The following MCC variants were observed in gnomAD, a reference collection of about 807,000 sequenced individuals.
The protein encoded by MCC is MCC regulator of Wnt signaling pathway, also known as colorectal mutant cancer protein.
MCC carries 90 observed loss-of-function variants against 116.2 expected under a neutral mutation model. That is an observed-to-expected ratio of 0.77 (90% CI 0.65 to 0.92). The LOEUF is 0.92. Among genes scored for constraint, MCC ranks in the 40% least tolerant of loss-of-function variants. The probability of loss-of-function intolerance (pLI) is 0.00; values close to 1 mark genes in which losing one functional copy is unlikely to be tolerated. For missense variants in MCC, 1,516 were observed against 1,312.2 expected (o/e 1.16, Z -2.40); for synonymous variants, 578 against 510.5 (o/e 1.13, Z -1.78).
intron 2 of MCC, among the ~76,000 whole-genome samples, chr5:113,357,460 C>T (rs1416391078): frequency 1.3e-5 from 2 of 152,152 alleles, no homozygotes; most frequent in Non-Finnish European, 2.9e-5. Flanking sequence ...GGGCCCCCCA[C>T]CTACCAGGAA....
chr5:113,283,802 T>C (rs2150358175), intron 3 of MCC, among the ~76,000 whole-genome samples: 1 of 152,322 alleles, frequency 6.6e-6, no homozygotes, highest in Admixed American at 6.5e-5. Flanking sequence ...AGTTGATCAT[T>C]GAACAACACT....
Position 113,434,929 on chromosome 5 carries a change from A to G in MCC, c.171-49717T>C. The G allele has an allele frequency of 6.7e-7, 1 of 1,495,028 alleles. No individual in the cohort carries two copies. Among genetic ancestry groups the G allele is most frequent in the East Asian group, 2.3e-5 (1 of 43,744 alleles). The allele number at this position is 1,495,028 out of a possible 1,614,324, so 92.6% of individuals were successfully genotyped here. Reference sequence around the variant, plus strand: ...GTGTGCTCATTTACATCCTGGATAGAGAGTCCTTTGGGCTGGCCAGGCCTG... The same window carrying G: ...GTGTGCTCATTTACATCCTGGATAGGGAGTCCTTTGGGCTGGCCAGGCCTG... On this transcript the variant is annotated intron_variant, in intron 1 of 18. Transcript: ENST00000408903. This position sits in a 1 kb window ranked among gnomAD's most constrained non-coding sequence, Gnocchi z 4.2.
chr5:113,381,116 G>A (rs12519157), intron 2 of MCC, among the ~76,000 whole-genome samples: 17 of 152,202 alleles, frequency 1.1e-4, no homozygotes, highest in Non-Finnish European at 2.2e-4. Context: ...TATTTTAGTA[G>A]GCAAGGCAAG....
chr5:113,041,697 G>T (rs1376407017), intron 17 of MCC, among the ~76,000 whole-genome samples: 1 of 152,104 alleles, frequency 6.6e-6, no homozygotes, highest in Non-Finnish European at 1.5e-5. Context: ...GTAGAAGCAG[G>T]ACTCTCAAAT....
intron 3 of MCC, among the ~76,000 whole-genome samples, chr5:113,215,665 T>A (rs918590396): frequency 6.6e-6 from 1 of 152,166 alleles, no homozygotes; most frequent in Non-Finnish European, 1.5e-5. Flanking sequence ...CAAGCCCTCT[T>A]AGAAGCAGAG....
chr5:113,035,846 A>G (rs1751292790), intron 17 of MCC, among the ~76,000 whole-genome samples: 1 of 152,116 alleles, frequency 6.6e-6, no homozygotes, highest in Non-Finnish European at 1.5e-5. Context: ...GTATCACATC[A>G]TCCCGTTTCC....
rs1254249633 is a variant in MCC, at chr5:113,308,256, C to T, written c.627+32263G>A. ...TCTTAACAACTTTTTAACTCTTGTC[C>T]TGACATTAACCTTTCTGTTCTCTGA... On this transcript the variant is annotated intron_variant, in intron 3 of 18. Transcript: ENST00000408903. Among the ~76,000 whole-genome samples, 3 of 152,160 alleles carry T rather than the reference C, an allele frequency of 2.0e-5. No homozygotes were observed. In the East Asian group the frequency reaches 5.8e-4, roughly 29 times the overall value.
Position 113,229,711 on chromosome 5 carries a change from A to G in MCC, c.628-78289T>C, listed in dbSNP as rs187674600. On this transcript the variant is annotated intron_variant, in intron 3 of 18. Transcript: ENST00000408903. ...AAGATTGTAATACCACATTTTTACT[A>G]TACCTTTTCTATGTTTAGATATGCT... is the stretch of plus-strand genomic sequence containing the variant. 1.1e-3 allele frequency among the ~76,000 whole-genome samples: 162 copies of G among 152,316 alleles called. 1 individual carries two copies. The highest frequency in any genetic ancestry group is 3.7e-3 in the African/African-American group (155 of 41,556).
At chr5:113,120,417 G>C (rs1361189446) in intron 6 of MCC, among the ~76,000 whole-genome samples, 1 of 152,172 alleles carries the variant, frequency 6.6e-6, no homozygotes, top group African/African-American at 2.4e-5. Flanking sequence ...CAATGGCTTT[G>C]ATGTATTTTA....
At chr5:113,210,126 G>A (rs181810513) in intron 3 of MCC, among the ~76,000 whole-genome samples, 3 of 152,140 alleles carry the variant, frequency 2.0e-5, no homozygotes, top group Admixed American at 2.0e-4. Context: ...TTAGCACAGG[G>A]ATAAAGTAGG....
chr5:113,245,183 C>T (rs11743052), intron 3 of MCC, among the ~76,000 whole-genome samples: 24,156 of 151,578 alleles, frequency 0.16, 2,268 homozygotes, highest in Admixed American at 0.29. Context: ...CAGCTATTCA[C>T]CAGGAGGCCG....
At chr5:113,066,554 G>C (rs923203652) in intron 13 of MCC, among the ~76,000 whole-genome samples, 7 of 152,284 alleles carry the variant, frequency 4.6e-5, no homozygotes, top group African/African-American at 1.7e-4. Context: ...TCCTTTGTTG[G>C]ATTACTTGGA....
intron 1 of MCC, among the ~76,000 whole-genome samples, chr5:113,431,974 A>G (rs542335382): frequency 2.6e-5 from 4 of 152,172 alleles, no homozygotes; most frequent in Non-Finnish European, 5.9e-5. Context: ...CGTCTCTACT[A>G]AAAATACAAA....
chr5:113,471,575 G>A (rs777402478), intron 1 of MCC, among the ~76,000 whole-genome samples: 6 of 152,018 alleles, frequency 3.9e-5, no homozygotes, highest in Admixed American at 2.0e-4. Flanking sequence ...GTGTCAGTCC[G>A]CCTACTGGGG....
chr5:113,140,716 C>T (rs80190650), intron 5 of MCC, among the ~76,000 whole-genome samples: 1,666 of 152,206 alleles, frequency 0.011, 41 homozygotes, highest in African/African-American at 0.038. Context: ...TTAGCTTCTC[C>T]AATAAATTCT....
intron 1 of MCC, chr5:113,432,447 A>G (rs902926190): frequency 9.2e-5 from 14 of 152,142 alleles, no homozygotes; most frequent in African/African-American, 3.1e-4. Context: ...GAGACAAGTG[A>G]CCTAAACTGA....
At chr5:113,473,888 C>A (rs1772161238) in intron 1 of MCC, among the ~76,000 whole-genome samples, 1 of 152,066 alleles carries the variant, frequency 6.6e-6, no homozygotes, top group African/African-American at 2.4e-5. Flanking sequence ...TACCTACAAT[C>A]CATAAAAATC....
chr5:113,170,951 C>A (rs946308651), intron 3 of MCC, among the ~76,000 whole-genome samples: 4 of 152,104 alleles, frequency 2.6e-5, no homozygotes, highest in African/African-American at 9.7e-5. Context: ...GCATCCAGAA[C>A]TGAGACTCTG....
intron 3 of MCC, among the ~76,000 whole-genome samples, chr5:113,160,087 GAC>G (rs1760398551): frequency 6.6e-6 from 1 of 152,156 alleles, no homozygotes; most frequent in African/African-American, 2.4e-5. Context: ...GCAGCAGTGG[GAC>G]ACCATTTATA....
Sources: allele counts gnomAD v4.1 joint callset (sites outside exome capture counted in the v4.1 genomes callset), GRCh38; gene constraint gnomAD v4.1.1; non-coding constraint Gnocchi (gnomAD v3.1); transcripts MANE v1.5; gene names NCBI Gene and HGNC (gene_info 2026-07-23, HGNC 2026-07-21).